Variants in DCC observed in about 807,000 individuals in gnomAD.
DCC encodes the protein DCC netrin 1 receptor.
DCC carries 58 observed loss-of-function variants against 172.5 expected under a neutral mutation model. The ratio of observed to expected loss-of-function variants is 0.34; its 90% CI spans 0.27 to 0.42. The LOEUF (loss-of-function observed/expected upper bound fraction) is 0.42, where lower values mean the gene tolerates loss of function less well. DCC is among the 10% of genes least tolerant of loss of function. The pLI is 1.00. For synonymous variants in DCC, 709 were observed against 644.5 expected (o/e 1.10, Z -1.52); for missense variants, 1,740 against 1,791.0 (o/e 0.97, Z 0.51).
chr18:52,410,563 A>G (rs778375985), intron 1 of DCC, among the ~76,000 whole-genome samples: 1 of 152,148 alleles, frequency 6.6e-6, no homozygotes, highest in Non-Finnish European at 1.5e-5. Flanking sequence ...TTCCTATTAT[A>G]TGACTGAGAA....
At chr18:53,131,737 T>C (rs2043655043) in intron 7 of DCC, among the ~76,000 whole-genome samples, 1 of 152,060 alleles carries the variant, frequency 6.6e-6, no homozygotes, top group African/African-American at 2.4e-5. Context: ...CATAAGGGAA[T>C]AGATTCTGAG....
intron 7 of DCC, among the ~76,000 whole-genome samples, chr18:53,144,519 A>G (rs2043877011): frequency 1.3e-5 from 2 of 152,134 alleles, no homozygotes; most frequent in African/African-American, 4.8e-5. Flanking sequence ...ATCAGATGTC[A>G]TGAGACTTAC....
At chr18:52,949,464 C>G (rs1178490304) in intron 5 of DCC, among the ~76,000 whole-genome samples, 1 of 152,166 alleles carries the variant, frequency 6.6e-6, no homozygotes, top group Non-Finnish European at 1.5e-5. Flanking sequence ...AAGGTTTTAT[C>G]CTTCCTCATT....
chr18:53,036,240 A>C (rs112076157), intron 5 of DCC, among the ~76,000 whole-genome samples: 2,293 of 152,192 alleles, frequency 0.015, 52 homozygotes, highest in African/African-American at 0.051. Context: ...AATTTATGGT[A>C]TAGTCAGTTC....
At chr18:53,292,641 A>C (rs1320918650) in intron 12 of DCC, among the ~76,000 whole-genome samples, 2 of 152,206 alleles carry the variant, frequency 1.3e-5, no homozygotes. Flanking sequence ...GTGAGCCGAG[A>C]TCGTGCCACT....
intron 26 of DCC, among the ~76,000 whole-genome samples, chr18:53,489,047 T>G (rs2045932654): frequency 6.6e-6 from 1 of 151,348 alleles, no homozygotes. Flanking sequence ...TAGTCCCAGC[T>G]ACTCAGGAGG....
intron 5 of DCC, among the ~76,000 whole-genome samples, chr18:53,002,689 G>A (rs1360668037): frequency 6.6e-6 from 1 of 151,998 alleles, no homozygotes; most frequent in Admixed American, 6.6e-5. Flanking sequence ...TTAAGTTTTA[G>A]GGTACATGTG....
intron 26 of DCC, among the ~76,000 whole-genome samples, chr18:53,493,648 C>G (rs1284374545): frequency 6.6e-6 from 1 of 151,880 alleles, no homozygotes; most frequent in African/African-American, 2.4e-5. Flanking sequence ...CTATTTGATT[C>G]TTCTCTCTTT....
chr18:53,205,271 A>T lies in DCC; in HGVS notation c.1629A>T (p.Ser543=). 1 of 1,613,612 alleles carries T rather than the reference A, an allele frequency of 6.2e-7. No homozygotes were observed. Among genetic ancestry groups the T allele is most frequent in the African/African-American group, 1.3e-5 (1 of 74,980 alleles). ...NLQAVSTSPT[S]ILITWEPPAY... The stretch of plus-strand genomic sequence containing the variant: ...AAGCTGTATCTACCTCACCTACCTC[A>T]ATTCTTATTACCTGGGAACCCCCTG... Residue 543 remains serine (S), a synonymous_variant, in exon 10 of 29, where the codon TCA becomes TCT. Transcript: ENST00000442544.
At chr18:52,515,928 GAAAAAAAAAAA>G (rs34820684) in intron 1 of DCC, among the ~76,000 whole-genome samples, 1 of 115,066 alleles carries the variant, frequency 8.7e-6, no homozygotes, top group African/African-American at 3.5e-5. Flanking sequence ...TTAGAAAATG[GAAAAAAAAAAA>G]AAAAAGAAAA....
intron 5 of DCC, among the ~76,000 whole-genome samples, chr18:52,982,601 C>T (rs758549584): frequency 2.0e-5 from 3 of 152,068 alleles, no homozygotes; most frequent in African/African-American, 4.8e-5. Flanking sequence ...TCACCCCTGC[C>T]TCTACCTACT....
chr18:53,111,494 T>C (rs1002729819), intron 7 of DCC, among the ~76,000 whole-genome samples: 3 of 151,186 alleles, frequency 2.0e-5, no homozygotes, highest in Non-Finnish European at 4.4e-5. Context: ...TTCTCTTTCC[T>C]GCTTGTTAGT....
intron 1 of DCC, among the ~76,000 whole-genome samples, chr18:52,726,134 G>T (rs184943393): frequency 6.6e-6 from 1 of 152,272 alleles, no homozygotes; most frequent in East Asian, 1.9e-4. Flanking sequence ...CAGGTAATAT[G>T]TTAATTCCCA....
chr18:53,307,444 A>T (rs1439099512), intron 13 of DCC, among the ~76,000 whole-genome samples: 3 of 152,142 alleles, frequency 2.0e-5, no homozygotes, highest in African/African-American at 7.2e-5. Context: ...AAAATATTTT[A>T]GTATGGATTC....
At chr18:52,780,760 C>T (rs2037524401) in intron 2 of DCC, among the ~76,000 whole-genome samples, 1 of 152,104 alleles carries the variant, frequency 6.6e-6, no homozygotes, top group Admixed American at 6.6e-5. Context: ...ACGTGAAGGT[C>T]TTCAGGGGAG....
intron 27 of DCC, among the ~76,000 whole-genome samples, chr18:53,518,966 A>G (rs528329741): frequency 2.0e-5 from 3 of 152,286 alleles, no homozygotes; most frequent in African/African-American, 7.2e-5. Flanking sequence ...GAAAAAAATG[A>G]CAGAACATTT....
rs561998498 is a variant in DCC at position 52,844,317 on chromosome 18, T to TAGGC, written c.413-61724_413-61721dup. Among the ~76,000 whole-genome samples the TAGGC allele has an allele frequency of 4.6e-3, 326 of 70,580 alleles. 1 individual carries two copies. The highest frequency in any genetic ancestry group is 0.012 in the African/African-American group (298 of 23,850). 46.3% of individuals were successfully genotyped at this position (70,580 alleles called of 152,430 possible). On this transcript the variant is annotated intron_variant, in intron 2 of 28. Transcript: ENST00000442544. ...ATTGATAGATAGGTAGATACATAGA[T>TAGGC]AGGCAGACAGACAGACAGACAGATA...
chr18:52,934,521 A>G (rs1200595840), intron 5 of DCC, among the ~76,000 whole-genome samples: 1 of 152,182 alleles, frequency 6.6e-6, no homozygotes, highest in Non-Finnish European at 1.5e-5. Flanking sequence ...AAGAAATGCA[A>G]TTGAATGTGC....
chr18:52,877,721 A>G (rs2039424301), intron 2 of DCC, among the ~76,000 whole-genome samples: 1 of 152,006 alleles, frequency 6.6e-6, no homozygotes, highest in Non-Finnish European at 1.5e-5. Flanking sequence ...AAAAATTAGT[A>G]AAGTTTTGGT....
Sources: allele counts gnomAD v4.1 joint callset (sites outside exome capture counted in the v4.1 genomes callset), GRCh38; gene constraint gnomAD v4.1.1; transcripts MANE v1.5; gene names NCBI Gene and HGNC (gene_info 2026-07-23, HGNC 2026-07-21).